Variants in CDC73 observed in about 807,000 individuals in gnomAD.
The protein encoded by CDC73 is parafibromin.
CDC73 carries 21 observed loss-of-function variants against 83.7 expected under a neutral mutation model. The ratio of observed to expected loss-of-function variants is 0.25; its 90% CI spans 0.18 to 0.36. The LOEUF (loss-of-function observed/expected upper bound fraction) is 0.36. Among genes scored for constraint, CDC73 ranks in the 10% least tolerant of loss-of-function variants. The probability of loss-of-function intolerance (pLI) is 1.00; values close to 1 mark genes in which losing one functional copy is unlikely to be tolerated. For synonymous variants in CDC73, 224 were observed against 212.9 expected (o/e 1.05, Z -0.45); for missense variants, 342 against 653.3 (o/e 0.52, Z 5.19).
chr1:193,155,587 G>A (rs533520805), intron 10 of CDC73, among the ~76,000 whole-genome samples: 27 of 152,230 alleles, frequency 1.8e-4, no homozygotes, highest in African/African-American at 6.5e-4. Context: ...AGACCAGCTC[G>A]GTTAACATGG....
intron 10 of CDC73, among the ~76,000 whole-genome samples, chr1:193,154,735 A>C (rs1032520043): frequency 1.3e-5 from 2 of 152,204 alleles, no homozygotes; most frequent in Non-Finnish European, 2.9e-5. Flanking sequence ...TTCTCAGATA[A>C]TTATTTTTTA....
intron 12 of CDC73, 35 bp from the exon 13 acceptor site, chr1:193,212,355 A>G (rs1572202320): frequency 8.2e-7 from 1 of 1,224,682 alleles, no homozygotes; most frequent in East Asian, 2.3e-5. Flanking sequence ...AATTTCTAAT[A>G]ATATATTTTC....
intron 5 of CDC73, among the ~76,000 whole-genome samples, chr1:193,137,363 A>G (rs1401295214): frequency 6.6e-6 from 1 of 151,940 alleles, no homozygotes; most frequent in South Asian, 2.1e-4. Flanking sequence ...CTTTTTATAC[A>G]GTTTTGTATT....
chr1:193,162,499 AG>A (rs1676356963), intron 10 of CDC73, among the ~76,000 whole-genome samples: 1 of 150,938 alleles, frequency 6.6e-6, no homozygotes, highest in African/African-American at 2.4e-5. Context: ...CAGCCTCCTG[AG>A]TAGCTGAGAC....
At chr1:193,212,245 TTAAA>T (rs1403069909) in intron 12 of CDC73, 141 bp from the exon 13 acceptor site, 4 of 832,436 alleles carry the variant, frequency 4.8e-6, no homozygotes, top group Non-Finnish European at 7.6e-6. Context: ...ACACTGATTA[TTAAA>T]TATTTTTTAA....
At chr1:193,227,453 C>T (rs1286508724) in intron 13 of CDC73, among the ~76,000 whole-genome samples, 2 of 150,778 alleles carry the variant, frequency 1.3e-5, no homozygotes, top group South Asian at 4.2e-4. Flanking sequence ...AGCCTAGGCA[C>T]TACAGCAAGA....
intron 10 of CDC73, among the ~76,000 whole-genome samples, chr1:193,195,279 A>G (rs1046485801): frequency 6.6e-6 from 1 of 151,920 alleles, no homozygotes; most frequent in African/African-American, 2.4e-5. Context: ...TGTCCAGCCT[A>G]TTTCGTTTAG....
intron 15 of CDC73, among the ~76,000 whole-genome samples, chr1:193,245,796 G>A (rs1355353995): frequency 6.6e-6 from 1 of 151,902 alleles, no homozygotes; most frequent in Non-Finnish European, 1.5e-5. Context: ...TGGAGCATTT[G>A]GTATTTTCTT....
intron 10 of CDC73, among the ~76,000 whole-genome samples, 173 bp downstream of exon 10, chr1:193,152,617 C>G (rs144920376): frequency 5.9e-5 from 9 of 152,172 alleles, no homozygotes; most frequent in African/African-American, 2.2e-4. Context: ...TATCCTGTTT[C>G]ATTTTTCTTT....
intron 14 of CDC73, among the ~76,000 whole-genome samples, chr1:193,236,026 G>A (rs1010816470): frequency 6.6e-6 from 1 of 152,116 alleles, no homozygotes; most frequent in Non-Finnish European, 1.5e-5. Flanking sequence ...AAAGACTTAG[G>A]TGTAAAAACC....
intron 10 of CDC73, among the ~76,000 whole-genome samples, chr1:193,166,071 G>A (rs1676429193): frequency 1.3e-5 from 2 of 152,132 alleles, no homozygotes; most frequent in South Asian, 4.1e-4. Flanking sequence ...AAACTTTAAT[G>A]TGAAATTATT....
chr1:193,163,833 C>T (rs1317713207), intron 10 of CDC73, among the ~76,000 whole-genome samples: 1 of 152,110 alleles, frequency 6.6e-6, no homozygotes, highest in African/African-American at 2.4e-5. Flanking sequence ...GGCTGGAGTG[C>T]AGTGGCGTGA....
chr1:193,212,312 A>C, intron 12 of CDC73, 78 bp from the exon 13 acceptor site: 1 of 978,846 alleles, frequency 1.0e-6, no homozygotes, highest in Middle Eastern at 3.0e-4. Flanking sequence ...TACAATTTAT[A>C]ATCTTTTAAC....
intron 11 of CDC73, among the ~76,000 whole-genome samples, chr1:193,206,698 C>T (rs1055087277): frequency 6.6e-6 from 1 of 152,124 alleles, no homozygotes; most frequent in African/African-American, 2.4e-5. Flanking sequence ...GTAGAGTTTG[C>T]ATAATTTGGA....
At chr1:193,201,576 G>A (rs1424294240) in intron 10 of CDC73, among the ~76,000 whole-genome samples, 1 of 152,108 alleles carries the variant, frequency 6.6e-6, no homozygotes, top group Non-Finnish European at 1.5e-5. Flanking sequence ...CTAGTGACCA[G>A]GGGATAGAGC....
rs1290747173 is a variant in CDC73, at chr1:193,238,728, ATTC to A, written c.1417+2375_1417+2377del. On this transcript the variant is annotated intron_variant, in intron 15 of 16. Transcript: ENST00000367435. ...TTTACATGTTAGCATTGTATACTGT[ATTC>A]TTATGATAAAGTAAGTAGAGAAAAA... is the stretch of plus-strand genomic sequence containing the variant. Among the ~76,000 whole-genome samples, 38 of 152,236 alleles carry A rather than the reference ATTC, an allele frequency of 2.5e-4. 2 individuals are homozygous for A. The highest frequency in any genetic ancestry group is 7.3e-5 in the Non-Finnish European group (5 of 68,038).
chr1:193,196,632 A>T (rs1677007411), intron 10 of CDC73, among the ~76,000 whole-genome samples: 1 of 152,138 alleles, frequency 6.6e-6, no homozygotes. Context: ...TTTTAGCAAT[A>T]TTTTATAGTT....
At chr1:193,232,624 C>T (rs1435439983) in intron 13 of CDC73, among the ~76,000 whole-genome samples, 2 of 152,036 alleles carry the variant, frequency 1.3e-5, no homozygotes, top group African/African-American at 2.4e-5. Context: ...TATTTCAGAC[C>T]GGGCGTGGTG....
At chr1:193,233,255 C>A in intron 14 of CDC73, 101 bp downstream of exon 14, 1 of 1,070,150 alleles carries the variant, frequency 9.3e-7, no homozygotes, top group Non-Finnish European at 1.4e-6. Context: ...GAGATGGGGT[C>A]TCACTATGTT....
Sources: gnomAD v4.1 joint callset for allele counts (sites outside exome capture counted in the v4.1 genomes callset) on GRCh38, gnomAD v4.1.1 for gene constraint, MANE v1.5 for transcripts, NCBI Gene and HGNC (gene_info 2026-07-23, HGNC 2026-07-21) for gene names.